STAU2: variants seen among roughly 807,000 people sequenced by gnomAD.
STAU2 encodes double-stranded RNA-binding protein Staufen homolog 2.
Under a neutral mutation model 65.9 loss-of-function variants are expected in STAU2, and 20 were observed. That is an observed-to-expected ratio of 0.30 (90% CI 0.21 to 0.44). STAU2 has a LOEUF of 0.44. STAU2 is among the 20% of genes least tolerant of loss of function. STAU2 has a pLI of 1.00. For synonymous variants in STAU2, 232 were observed against 233.9 expected (o/e 0.99, Z 0.07); for missense variants, 558 against 683.9 (o/e 0.82, Z 2.05).
intron 3 of STAU2, among the ~76,000 whole-genome samples, chr8:73,719,266 A>T (rs920970764): frequency 1.3e-5 from 2 of 152,110 alleles, no homozygotes; most frequent in Non-Finnish European, 2.9e-5. Flanking sequence ...TTAGCCAGAC[A>T]TAGTGGCGGG....
intron 12 of STAU2, among the ~76,000 whole-genome samples, chr8:73,573,335 A>T (rs1282633866): frequency 2.0e-5 from 3 of 152,256 alleles, no homozygotes. Flanking sequence ...GCCCAAGGTA[A>T]TTTATAGATT....
intron 6 of STAU2, among the ~76,000 whole-genome samples, chr8:73,642,087 C>T (rs1175767141): frequency 1.3e-5 from 2 of 152,156 alleles, no homozygotes; most frequent in African/African-American, 2.4e-5. Context: ...TAGGAGAATG[C>T]TTGGATCACT....
chr8:73,616,504 A>G (rs1812840640), intron 7 of STAU2, among the ~76,000 whole-genome samples: 1 of 152,184 alleles, frequency 6.6e-6, no homozygotes, highest in African/African-American at 2.4e-5. Flanking sequence ...GGTAAGTAAG[A>G]AGCTCACTAT....
chr8:73,545,950 T>C (rs769029194), intron 13 of STAU2, among the ~76,000 whole-genome samples: 11 of 149,788 alleles, frequency 7.3e-5, no homozygotes, highest in African/African-American at 2.2e-4. Context: ...CCTGGCCCTA[T>C]TGATTTTTTT....
chr8:73,489,737 A>G (rs186331614), intron 13 of STAU2, among the ~76,000 whole-genome samples: 1 of 152,194 alleles, frequency 6.6e-6, no homozygotes, highest in Non-Finnish European at 1.5e-5. Context: ...ACTGAAATTC[A>G]GATAGCTCTG....
intron 6 of STAU2, among the ~76,000 whole-genome samples, chr8:73,662,753 G>T (rs1019586827): frequency 6.6e-6 from 1 of 152,016 alleles, no homozygotes; most frequent in Middle Eastern, 3.4e-3. Flanking sequence ...AGTAGCTGGG[G>T]TTACAGGCAT....
chr8:73,548,471 G>A (rs1477881206), intron 13 of STAU2, among the ~76,000 whole-genome samples: 1 of 151,966 alleles, frequency 6.6e-6, no homozygotes, highest in Non-Finnish European at 1.5e-5. Flanking sequence ...AGAAGCCTGT[G>A]GCTATAAAAA....
intron 6 of STAU2, among the ~76,000 whole-genome samples, chr8:73,660,292 T>G (rs143237569): frequency 6.6e-6 from 1 of 152,108 alleles, no homozygotes; most frequent in Admixed American, 6.6e-5. Context: ...TAGCTGGGCA[T>G]GGTGGTGCAT....
chr8:73,478,688 A>G (rs1019335757), intron 13 of STAU2, among the ~76,000 whole-genome samples: 3 of 151,950 alleles, frequency 2.0e-5, no homozygotes, highest in Non-Finnish European at 2.9e-5. Context: ...TCTCTAGTAA[A>G]TGTACAGAAA....
chr8:73,648,941 G>A (rs890155725), intron 6 of STAU2, among the ~76,000 whole-genome samples: 1 of 151,996 alleles, frequency 6.6e-6, no homozygotes, highest in Non-Finnish European at 1.5e-5. Context: ...CTAGTAGCTG[G>A]GACTACAGGC....
chr8:73,713,817 A>G (rs1821058907), intron 3 of STAU2, among the ~76,000 whole-genome samples: 1 of 152,216 alleles, frequency 6.6e-6, no homozygotes, highest in Non-Finnish European at 1.5e-5. Context: ...TGTTGCTACT[A>G]AGGTCACAGA....
At chr8:73,630,886 G>A (rs1814045369) in intron 6 of STAU2, among the ~76,000 whole-genome samples, 1 of 152,110 alleles carries the variant, frequency 6.6e-6, no homozygotes, top group African/African-American at 2.4e-5. Flanking sequence ...TAAAGCTTTT[G>A]GTTATTCCCT....
At chr8:73,743,011 T>C (rs80153463) in intron 1 of STAU2, among the ~76,000 whole-genome samples, 1 of 152,002 alleles carries the variant, frequency 6.6e-6, no homozygotes, top group Admixed American at 6.6e-5. Flanking sequence ...AAATTTACTA[T>C]CTCTACTCTT....
At chr8:73,543,637 T>C (rs553935265) in intron 13 of STAU2, among the ~76,000 whole-genome samples, 82 of 152,298 alleles carry the variant, frequency 5.4e-4, no homozygotes, top group African/African-American at 1.9e-3. Flanking sequence ...TCTTCCACAC[T>C]ACCATTCTGA....
intron 13 of STAU2, among the ~76,000 whole-genome samples, chr8:73,468,455 G>A (rs1409679961): frequency 1.3e-5 from 2 of 152,150 alleles, no homozygotes; most frequent in Non-Finnish European, 2.9e-5. Context: ...ATTGACAAAT[G>A]GGATCTAATT....
intron 4 of STAU2, among the ~76,000 whole-genome samples, chr8:73,703,906 T>C (rs1820303159): frequency 6.6e-6 from 1 of 152,180 alleles, no homozygotes; most frequent in African/African-American, 2.4e-5. Context: ...AAACAATACT[T>C]TTGGCATGGG....
intron 6 of STAU2, among the ~76,000 whole-genome samples, chr8:73,644,263 G>A (rs1377398367): frequency 6.6e-6 from 1 of 152,254 alleles, no homozygotes; most frequent in African/African-American, 2.4e-5. Flanking sequence ...GTGAGATGCA[G>A]AAGTGAGAAA....
intron 6 of STAU2, among the ~76,000 whole-genome samples, chr8:73,643,012 G>A (rs1815106196): frequency 6.6e-6 from 1 of 152,130 alleles, no homozygotes. Context: ...CTCTCATCTA[G>A]ATCTCTCCTG....
chr8:73,654,813 T>A (rs1054533727), intron 6 of STAU2, among the ~76,000 whole-genome samples: 1 of 149,918 alleles, frequency 6.7e-6, no homozygotes, highest in Non-Finnish European at 1.5e-5. Context: ...CAGCCTCCTG[T>A]GTAGCTGGGA....
Sources: allele counts gnomAD v4.1 joint callset (sites outside exome capture counted in the v4.1 genomes callset), GRCh38; gene constraint gnomAD v4.1.1; transcripts MANE v1.5; gene names NCBI Gene and HGNC (gene_info 2026-07-23, HGNC 2026-07-21).